EMCN: variants seen among roughly 807,000 people sequenced by gnomAD.
EMCN encodes endomucin, also known as MUC-14.
EMCN carries 37 observed loss-of-function variants against 38.4 expected under a neutral mutation model. That is an observed-to-expected ratio of 0.96 (90% confidence interval 0.74 to 1.27). The LOEUF is 1.27. EMCN is among the 50% of genes most tolerant of loss of function. The pLI is 0.00. For missense variants in EMCN, 318 were observed against 302.8 expected, an observed-to-expected ratio of 1.05 and a Z score of -0.37; for synonymous variants, 95 against 100.8, an observed-to-expected ratio of 0.94 and a Z score of 0.35.
In EMCN at chr4:100,421,273, G is replaced by T; in HGVS notation, c.664+9C>A. On this transcript the variant is annotated intron_variant, in intron 8 of 11. Coordinates refer to ENST00000296420, the MANE Select transcript of EMCN (RefSeq NM_016242.4). Reference sequence around the variant, plus strand: ...TTTCAGGAAAACAAAACAAAACACTGTTACCTACCCGGATCTGCCTTCCAG... The same window carrying T: ...TTTCAGGAAAACAAAACAAAACACTTTTACCTACCCGGATCTGCCTTCCAG... 1 of 1,610,130 alleles carries T rather than the reference G, an allele frequency of 6.2e-7. No homozygotes were observed. The highest frequency in any genetic ancestry group is 8.5e-7 in the Non-Finnish European group (1 of 1,177,026).
chr4:100,482,505 C>A (rs941016654), intron 1 of EMCN, among the ~76,000 whole-genome samples: 1 of 152,056 alleles, frequency 6.6e-6, no homozygotes, highest in Non-Finnish European at 1.5e-5. Context: ...AATAATATAT[C>A]CATGCAGGGA....
intron 4 of EMCN, among the ~76,000 whole-genome samples, chr4:100,462,207 A>G (rs987371722): frequency 6.6e-6 from 1 of 152,180 alleles, no homozygotes; most frequent in African/African-American, 2.4e-5. Flanking sequence ...GACAACAGTA[A>G]ATACGCTTAT....
At chr4:100,398,517 C>T (rs1187742678) in intron 11 of EMCN, 144 bp from the exon 12 acceptor site, 1 of 152,222 alleles carries the variant, frequency 6.6e-6, no homozygotes, top group East Asian at 1.9e-4. Context: ...AGTAGAATCA[C>T]TTGACTGTCT....
At chr4:100,403,188 C>T (rs1318954126) in intron 11 of EMCN, among the ~76,000 whole-genome samples, 2 of 152,092 alleles carry the variant, frequency 1.3e-5, no homozygotes, top group African/African-American at 4.8e-5. Flanking sequence ...ATGTAATTGG[C>T]ATAATACCAA....
At chr4:100,416,133 T>C (rs1726726563) in intron 9 of EMCN, among the ~76,000 whole-genome samples, 174 bp from the exon 10 acceptor site, 1 of 151,988 alleles carries the variant, frequency 6.6e-6, no homozygotes, top group African/African-American at 2.4e-5. Context: ...TATATATATC[T>C]CCATGGCAAG....
intron 5 of EMCN, among the ~76,000 whole-genome samples, chr4:100,435,887 T>G (rs1198767901): frequency 2.0e-5 from 3 of 152,098 alleles, no homozygotes; most frequent in East Asian, 3.9e-4. Flanking sequence ...TCAAGATGGA[T>G]TAAAGACATA....
chr4:100,399,772 T>A (rs1192983092), intron 11 of EMCN, among the ~76,000 whole-genome samples: 1 of 152,140 alleles, frequency 6.6e-6, no homozygotes, highest in Non-Finnish European at 1.5e-5. Context: ...TTTATCTTCT[T>A]TTTTTTAAAC....
chr4:100,413,318 A>G (rs1726617219), intron 10 of EMCN, among the ~76,000 whole-genome samples: 2 of 152,190 alleles, frequency 1.3e-5, no homozygotes, highest in Non-Finnish European at 2.9e-5. Context: ...AGGCAGCAGT[A>G]GAAAAATTGA....
intron 10 of EMCN, among the ~76,000 whole-genome samples, chr4:100,410,583 G>T (rs959329966): frequency 2.6e-5 from 4 of 152,240 alleles, no homozygotes; most frequent in African/African-American, 9.6e-5. Context: ...ATGAAGTCCT[G>T]GGTGGGATAG....
At chr4:100,435,832 T>C (rs1169311577) in intron 5 of EMCN, among the ~76,000 whole-genome samples, 4 of 152,040 alleles carry the variant, frequency 2.6e-5, no homozygotes, top group Non-Finnish European at 4.4e-5. Context: ...CATATGCAGA[T>C]AATTGAAACT....
intron 4 of EMCN, among the ~76,000 whole-genome samples, chr4:100,449,845 C>T (rs577878281): frequency 1.5e-4 from 23 of 151,972 alleles, no homozygotes; most frequent in Non-Finnish European, 2.7e-4. Flanking sequence ...TAAATGAATA[C>T]ATTGATATTT....
chr4:100,423,468 G>T, intron 5 of EMCN, 64 bp from the exon 6 acceptor site: 1 of 1,167,856 alleles, frequency 8.6e-7, no homozygotes, highest in Non-Finnish European at 1.3e-6. Context: ...GGATTTCTTT[G>T]CAGATTCAAA....
intron 5 of EMCN, among the ~76,000 whole-genome samples, chr4:100,427,113 A>T (rs1028049221): frequency 4.6e-5 from 7 of 152,048 alleles, no homozygotes; most frequent in Non-Finnish European, 7.4e-5. Flanking sequence ...TGTCCCATTT[A>T]AAAAAATAAC....
At chr4:100,446,696 A>C (rs189061295) in intron 5 of EMCN, among the ~76,000 whole-genome samples, 160 of 152,188 alleles carry the variant, frequency 1.1e-3, no homozygotes, top group African/African-American at 3.8e-3. Context: ...CCAGGTATTA[A>C]GCCTAGTACC....
At chr4:100,414,252 G>A (rs776786067) in intron 10 of EMCN, among the ~76,000 whole-genome samples, 9 of 151,708 alleles carry the variant, frequency 5.9e-5, no homozygotes, top group Admixed American at 1.3e-4. Context: ...CAAGCCACGG[G>A]CAGATTCTGA....
At chr4:100,500,504 T>G (rs1167707817) in intron 1 of EMCN, among the ~76,000 whole-genome samples, 1 of 152,240 alleles carries the variant, frequency 6.6e-6, no homozygotes, top group Non-Finnish European at 1.5e-5. Context: ...AACGTATCAG[T>G]TATATCCCTC....
At chr4:100,447,381 A>T (rs13135327) in intron 5 of EMCN, 152 bp downstream of exon 5, 1 of 610,052 alleles carries the variant, frequency 1.6e-6, no homozygotes. Context: ...GCATTTTTTT[A>T]AACTCAAGTT....
intron 2 of EMCN, among the ~76,000 whole-genome samples, 171 bp downstream of exon 2, chr4:100,479,746 A>G (rs1728756363): frequency 6.6e-6 from 1 of 152,120 alleles, no homozygotes; most frequent in Non-Finnish European, 1.5e-5. Flanking sequence ...CTGAGATCTC[A>G]GGGTTTTGTA....
Position 100,469,479 on chromosome 4 carries a change from A to ATT in EMCN, c.260-3941_260-3940insAA, listed in dbSNP as rs767819648. Among the ~76,000 whole-genome samples, 714 of 122,472 alleles carry ATT rather than the reference A, an allele frequency of 5.8e-3. 46 individuals carry two copies. Among genetic ancestry groups the ATT allele is most frequent in the South Asian group, 8.6e-3 (34 of 3,936 alleles). The allele number at this position is 122,472 out of a possible 152,430, so 80.3% of individuals were successfully genotyped here. A position where few individuals can be genotyped will look rare whatever the true frequency, so the allele number is the denominator to read the frequency against. On this transcript the variant is annotated intron_variant, in intron 3 of 11. Transcript: ENST00000296420. ...GCACAGCAAAGGAAACAATTAGCAA[A>ATT]ATGAAAAAGCAGCTTACAAATTGAG...
Sources: allele counts gnomAD v4.1 joint callset (sites outside exome capture counted in the v4.1 genomes callset), GRCh38; gene constraint gnomAD v4.1.1; transcripts MANE v1.5; gene names NCBI Gene and HGNC (gene_info 2026-07-23, HGNC 2026-07-21).